KLRC1: variants seen among roughly 807,000 people sequenced by gnomAD.
KLRC1 encodes the protein NKG2-A/NKG2-B type II integral membrane protein.
KLRC1 carries 22 observed loss-of-function variants against 25.9 expected under a neutral mutation model. The ratio of observed to expected loss-of-function variants is 0.85; its 90% CI spans 0.61 to 1.21. The LOEUF (loss-of-function observed/expected upper bound fraction) is 1.21, where lower values mean the gene tolerates loss of function less well. KLRC1 is among the 50% of genes most tolerant of loss of function. The pLI is 0.00. For synonymous variants in KLRC1, 77 were observed against 93.1 expected, an observed-to-expected ratio of 0.83 and a Z score of 0.99; for missense variants, 240 against 272.2, an observed-to-expected ratio of 0.88 and a Z score of 0.83.
rs1404591846 is a variant in KLRC1, at chr12:10,449,361, T to C, written c.365A>G (p.Glu122Gly). The change falls in exon 5 of 7, where the codon GAG (glutamate) becomes GGG (glycine). Residue 122 changes from glutamate (E) to glycine (G), a missense_variant. Glu to Gly is a moderately conservative substitution (Grantham distance 98). Transcript: ENST00000359151. ...ACAACTGTTGGAATATGTAATCCAC[T>C]CCTCAGGACAATGGCCACAATGACG... ...KARHCGHCPE[E>G]WITYSNSCYY... 1.2e-6 allele frequency: 2 copies of C among 1,613,780 alleles called. No individual in the cohort carries two copies. Among genetic ancestry groups the C allele is most frequent in the East Asian group, 2.2e-5 (1 of 44,840 alleles).
chr12:10,443,850 A>G (rs1351661023), downstream of KLRC1, among the ~76,000 whole-genome samples: 13 of 138,836 alleles, frequency 9.4e-5, 1 homozygote, highest in South Asian at 8.9e-4. Flanking sequence ...ATTAATTAAT[A>G]CCAAATAAAT....
Position 10,449,170 on chromosome 12 carries a change from A to T in KLRC1, c.489+67T>A, listed in dbSNP as rs71451714. ...ATGTATATACCCACACATATGGATG[A>T]TTTCTACAAATATATTATCGACCGA... is the stretch of plus-strand genomic sequence containing the variant. On this transcript the variant is annotated intron_variant, in intron 5 of 6. Transcript: ENST00000359151. 6 of 1,597,762 alleles carry T rather than the reference A, an allele frequency of 3.8e-6. No individual in the cohort carries two copies. The African/African-American group carries it at 5.4e-5, about 14-fold the overall frequency.
intron 3 of KLRC1, chr12:10,450,272 C>G: frequency 2.1e-6 from 1 of 469,848 alleles, no homozygotes; most frequent in South Asian, 4.6e-5. Flanking sequence ...GTTATGAAAT[C>G]CAAATATATA....
Position 10,446,661 on chromosome 12 carries a change from T to A in KLRC1, c.592A>T (p.Ile198Leu). 6.2e-7 allele frequency: 1 copy of A among 1,613,738 alleles called. No homozygotes were observed. Among genetic ancestry groups the A allele is most frequent in the Non-Finnish European group, 8.5e-7 (1 of 1,179,734 alleles). The change falls in exon 7 of 7, where the codon ATA becomes TTA. Residue 198 changes from isoleucine to leucine, a missense_variant and splice_region_variant. By Grantham distance (5) the Ile-to-Leu change is conservative (BLOSUM62 2). Coordinates refer to ENST00000359151, the MANE Select transcript of KLRC1 (RefSeq NM_002259.5). ...TMNGLAFKHE[I>L]KDSDNAELNC... ...AGTTCAGCATTATCTGAGTCTTTTATCCTGTAATGGAGAAAAATCCATATT... is the reference window on the plus strand; with the variant it reads ...AGTTCAGCATTATCTGAGTCTTTTAACCTGTAATGGAGAAAAATCCATATT...
At chr12:10,453,685 T>C (rs1864165248), upstream of KLRC1, among the ~76,000 whole-genome samples, 1 of 152,170 alleles carries the variant, frequency 6.6e-6, no homozygotes, top group African/African-American at 2.4e-5. Context: ...TATTTTATTA[T>C]GTCACTTCCA....
upstream of KLRC1, among the ~76,000 whole-genome samples, chr12:10,453,683 T>C (rs1864165216): frequency 6.6e-6 from 1 of 152,280 alleles, no homozygotes; most frequent in East Asian, 1.9e-4. Context: ...ATTATTTTAT[T>C]ATGTCACTTC....
At chr12:10,444,413 G>A, downstream of KLRC1, among the ~76,000 whole-genome samples, 1 of 151,052 alleles carries the variant, frequency 6.6e-6, no homozygotes, top group Non-Finnish European at 1.5e-5. Context: ...TTAAAAAATT[G>A]ATAAGGGCCA....
downstream of KLRC1, among the ~76,000 whole-genome samples, chr12:10,443,285 T>C (rs1863935112): frequency 7.1e-6 from 1 of 140,888 alleles, no homozygotes; most frequent in Non-Finnish European, 1.6e-5. Flanking sequence ...ACACCTACTA[T>C]GTACGCACTG....
At position 10,451,041 on chromosome 12, in the gene KLRC1, G is replaced by T; in HGVS notation, c.116C>A (p.Thr39Asn). 6.2e-7 allele frequency: 1 copy of T among 1,613,954 alleles called. No homozygotes were observed. The highest frequency in any genetic ancestry group is 8.5e-7 in the Non-Finnish European group (1 of 1,179,950). Residue 39 changes from threonine (T) to asparagine (N), a missense_variant, in exon 2 of 7, where the codon ACC becomes AAC. Thr to Asn is a moderately conservative substitution (Grantham distance 65, BLOSUM62 0). Transcript: ENST00000359151. ...NSILATEQEI[T>N]YAELNLQKAS... ...TTTTTGAAGGTTTAATTCCGCATAG[G>T]TTATTTCCTGTTCAGTTGCTAAAAT...
downstream of KLRC1, among the ~76,000 whole-genome samples, chr12:10,445,115 T>C (rs1056911654): frequency 1.5e-4 from 23 of 151,834 alleles, no homozygotes; most frequent in African/African-American, 4.8e-4. Flanking sequence ...AGATGGGGTT[T>C]CAGCACGTTG....
rs1477204121 is a variant in KLRC1 at position 10,446,721 on chromosome 12, A to C, written c.591-59T>G. On this transcript the variant is annotated intron_variant, in intron 6 of 6. Coordinates refer to ENST00000359151, the MANE Select transcript of KLRC1 (RefSeq NM_002259.5). ...TTTAAGCAAATGATTCATGAGACGA[A>C]AGCATTTTCCATGTACTGTAAGAAA... 17 of 1,601,912 alleles carry C rather than the reference A, an allele frequency of 1.1e-5. No individual in the cohort carries two copies. In the Admixed American group the frequency reaches 2.5e-4, roughly 24 times the overall value.
Position 10,453,214 on chromosome 12 carries a change from G to C in KLRC1, c.-48C>G. On this transcript the variant is annotated 5_prime_UTR_variant, in exon 1 of 7. Coordinates refer to ENST00000359151, the MANE Select transcript of KLRC1 (RefSeq NM_002259.5). ...AATACATACCTTCTGTCCCCAGAAA[G>C]TCACACATCCTTTAGTGGAGAGGCC... The C allele has an allele frequency of 1.0e-6, 1 of 985,310 alleles. No individual in the cohort carries two copies. Among genetic ancestry groups the C allele is most frequent in the Non-Finnish European group, 1.2e-6 (1 of 829,836 alleles). The allele number at this position is 985,310 out of a possible 1,614,324, so 61.0% of individuals were successfully genotyped here. A position where few individuals can be genotyped will look rare whatever the true frequency, so the allele number is the denominator to read the frequency against.
At chr12:10,450,880 A>G (rs1419875427) in intron 2 of KLRC1, 90 bp downstream of exon 2, 17 of 933,040 alleles carry the variant, frequency 1.8e-5, no homozygotes, top group Non-Finnish European at 2.8e-5. Flanking sequence ...AATAGAAGAT[A>G]TATGAGCACT....
At position 10,453,184 on chromosome 12, in the gene KLRC1, G is replaced by A; in HGVS notation, c.-32+14C>T. The A allele has an allele frequency of 1.0e-6, 1 of 981,520 alleles. No individual in the cohort carries two copies. Among genetic ancestry groups the A allele is most frequent in the South Asian group, 4.7e-5 (1 of 21,210 alleles). 60.8% of individuals were successfully genotyped at this position (981,520 alleles called of 1,614,324 possible). On this transcript the variant is annotated intron_variant, in intron 1 of 6. Coordinates refer to ENST00000359151, the MANE Select transcript of KLRC1 (RefSeq NM_002259.5). ...AGGTAGGCTAGTAGAGAGTTGGAGA[G>A]TAGCAATACATACCTTCTGTCCCCA...
In KLRC1 at chr12:10,450,542, G is replaced by A; in HGVS notation, c.225C>T (p.Ile75=). The A allele has an allele frequency of 6.2e-7, 1 of 1,611,700 alleles. No individual in the cohort carries two copies. Among genetic ancestry groups the A allele is most frequent in the South Asian group, 1.1e-5 (1 of 91,004 alleles). Residue 75 remains isoleucine (I), a synonymous_variant, in exon 3 of 7, where the codon ATC becomes ATT. Coordinates refer to ENST00000359151, the MANE Select transcript of KLRC1 (RefSeq NM_002259.5). ...PSAPEKLIVG[I]LGIICLILMA... is the part of the protein sequence containing the mutation. Reference sequence around the variant, plus strand: ...TTAAGATAAGACAGATAATTCCCAGGATCCCAACAATGAGCTTCTCTGGAG... The same window carrying A: ...TTAAGATAAGACAGATAATTCCCAGAATCCCAACAATGAGCTTCTCTGGAG...
Position 10,450,977 on chromosome 12 carries a change from G to T in KLRC1, c.180C>A (p.His60Gln), listed in dbSNP as rs1390165686. The part of the protein sequence containing the change: ...QDFQGNDKTY[H>Q]CKDLPSAPEK... ...ATCTTTTAAATGCTTTACCTTTGCA[G>T]TGATAGGTTTTGTCATTCCCTTGAA... The change falls in exon 2 of 7, where the codon CAC becomes CAA. Residue 60 changes from histidine to glutamine, a missense_variant. By Grantham distance (24) the His-to-Gln change is conservative. Transcript: ENST00000359151. 1 of 1,608,944 alleles carries T rather than the reference G, an allele frequency of 6.2e-7. No homozygotes were observed. Among genetic ancestry groups the T allele is most frequent in the Non-Finnish European group, 8.5e-7 (1 of 1,176,820 alleles).
chr12:10,449,439 G>A (rs1167828098), intron 4 of KLRC1, 51 bp from the exon 5 acceptor site: 1 of 1,593,382 alleles, frequency 6.3e-7, no homozygotes, highest in Non-Finnish European at 8.5e-7. Context: ...TTTTAAAAAT[G>A]AAAATTAGTT....
downstream of KLRC1, among the ~76,000 whole-genome samples, chr12:10,444,931 T>C (rs1345104635): frequency 6.8e-6 from 1 of 146,380 alleles, no homozygotes; most frequent in African/African-American, 2.5e-5. Flanking sequence ...TTTTTTTTTT[T>C]TTTTTTTGAG....
At chr12:10,445,169 C>T (rs754429702), downstream of KLRC1, among the ~76,000 whole-genome samples, 2 of 151,878 alleles carry the variant, frequency 1.3e-5, no homozygotes, top group African/African-American at 2.4e-5. Flanking sequence ...CCACCGGCCT[C>T]AGTCTCCCAA....
Sources: allele counts gnomAD v4.1 joint callset (sites outside exome capture counted in the v4.1 genomes callset), GRCh38; gene constraint gnomAD v4.1.1; transcripts MANE v1.5; gene names NCBI Gene and HGNC (gene_info 2026-07-23, HGNC 2026-07-21).